TAFA2: variants seen among roughly 807,000 people sequenced by gnomAD.
TAFA2 encodes the protein TAFA chemokine like family member 2.
Under a neutral mutation model 18.8 loss-of-function variants are expected in TAFA2, and 7 were observed. The ratio of observed to expected loss-of-function variants is 0.37; its 90% CI spans 0.21 to 0.70. TAFA2 has a LOEUF of 0.70. Ranked by LOEUF, TAFA2 falls within the 30% of genes least tolerant of loss-of-function variation. The probability of loss-of-function intolerance (pLI) is 0.53; values close to 1 mark genes in which losing one functional copy is unlikely to be tolerated. For synonymous variants in TAFA2, 60 were observed against 54.2 expected (o/e 1.11, Z -0.47); for missense variants, 122 against 158.1 (o/e 0.77, Z 1.23).
chr12:62,074,698 ATTTTTTTTTT>A (rs67195424), intron 1 of TAFA2, among the ~76,000 whole-genome samples: 354 of 137,674 alleles, frequency 2.6e-3, no homozygotes, highest in Non-Finnish European at 3.0e-3. Context: ...AACTACATGA[ATTTTTTTTTT>A]TTTTTTTTTT....
At chr12:62,101,896 A>G (rs1869223627) in intron 1 of TAFA2, among the ~76,000 whole-genome samples, 1 of 152,212 alleles carries the variant, frequency 6.6e-6, no homozygotes, top group Non-Finnish European at 1.5e-5. Context: ...ATGTAAAAAT[A>G]GATAAATCCT....
At chr12:62,036,419 G>A (rs1281821716) in intron 1 of TAFA2, among the ~76,000 whole-genome samples, 1 of 152,194 alleles carries the variant, frequency 6.6e-6, no homozygotes, top group Admixed American at 6.5e-5. Context: ...AAAGCAGGTT[G>A]GTAGGTCAGC....
At chr12:62,203,286 T>C (rs1050801121) in intron 1 of TAFA2, among the ~76,000 whole-genome samples, 1 of 152,246 alleles carries the variant, frequency 6.6e-6, no homozygotes, top group African/African-American at 2.4e-5. Flanking sequence ...GTAAGCGCCA[T>C]GTGGCGCCAA....
Position 61,710,094 on chromosome 12 carries a change from T to A in TAFA2, c.*312A>T. ...CATCTGGAGCCAATAACTCAAAAGG[T>A]GACTGTCTCTAACATCACCCTGAAA... On this transcript the variant is annotated 3_prime_UTR_variant, in exon 5 of 5. Transcript: ENST00000416284. 2.8e-6 allele frequency: 1 copy of A among 357,836 alleles called. No individual in the cohort carries two copies. Among genetic ancestry groups the A allele is most frequent in the Non-Finnish European group, 5.1e-6 (1 of 196,332 alleles). 22.2% of individuals were successfully genotyped at this position (357,836 alleles called of 1,614,324 possible). A position where few individuals can be genotyped will look rare whatever the true frequency, so the allele number is the denominator to read the frequency against.
chr12:61,957,311 G>A (rs2121468622), intron 1 of TAFA2, among the ~76,000 whole-genome samples: 1 of 152,200 alleles, frequency 6.6e-6, no homozygotes, highest in East Asian at 1.9e-4. Flanking sequence ...AAAACAGTAG[G>A]GAAGACTTTA....
chr12:62,229,693 T>G (rs1238005071), intron 1 of TAFA2, among the ~76,000 whole-genome samples: 2 of 152,066 alleles, frequency 1.3e-5, no homozygotes, highest in East Asian at 3.8e-4. Context: ...ATTGTGTCTG[T>G]CTAGTTTTAA....
At chr12:61,886,946 G>A (rs541632547) in intron 1 of TAFA2, among the ~76,000 whole-genome samples, 35 of 152,304 alleles carry the variant, frequency 2.3e-4, no homozygotes, top group South Asian at 1.0e-3. Flanking sequence ...CAAAATTAAC[G>A]AGTGCCTCAA....
At chr12:61,760,911 C>T (rs1869517651) in intron 2 of TAFA2, among the ~76,000 whole-genome samples, 1 of 151,480 alleles carries the variant, frequency 6.6e-6, no homozygotes, top group Admixed American at 6.6e-5. Context: ...CCTCCATGGA[C>T]GTGATGCATA....
intron 1 of TAFA2, among the ~76,000 whole-genome samples, chr12:62,082,202 C>T (rs1176044138): frequency 2.0e-5 from 3 of 152,074 alleles, no homozygotes; most frequent in Non-Finnish European, 4.4e-5. Flanking sequence ...CATTGATGGA[C>T]ATTTAGGTTG....
At chr12:62,205,289 G>T (rs1488156651) in intron 1 of TAFA2, among the ~76,000 whole-genome samples, 19 of 152,216 alleles carry the variant, frequency 1.2e-4, no homozygotes, top group African/African-American at 4.1e-4. Context: ...CTCTTGGGGG[G>T]GTCTCACCCA....
At chr12:61,924,008 G>A (rs1877170286) in intron 1 of TAFA2, among the ~76,000 whole-genome samples, 1 of 149,642 alleles carries the variant, frequency 6.7e-6, no homozygotes, top group Non-Finnish European at 1.5e-5. Context: ...TCAACATAAT[G>A]AAATAAAACA....
chr12:61,713,553 G>A (rs1273430536), intron 4 of TAFA2, among the ~76,000 whole-genome samples: 1 of 152,058 alleles, frequency 6.6e-6, no homozygotes. Flanking sequence ...ATATCTACCA[G>A]CACCCTCCCT....
chr12:62,008,072 G>A (rs1880615391), intron 1 of TAFA2, among the ~76,000 whole-genome samples: 1 of 152,024 alleles, frequency 6.6e-6, no homozygotes, highest in African/African-American at 2.4e-5. Flanking sequence ...GAGATCATAT[G>A]GTATGTGTCC....
intron 4 of TAFA2, among the ~76,000 whole-genome samples, chr12:61,735,574 A>G (rs573440020): frequency 6.6e-6 from 1 of 152,040 alleles, no homozygotes; most frequent in African/African-American, 2.4e-5. Flanking sequence ...TCACTCATAT[A>G]TCTGAGTTGC....
chr12:61,736,038 TG>T lies in TAFA2; in HGVS notation c.384+17583del, dbSNP rs1340513525. On this transcript the variant is annotated intron_variant, in intron 4 of 4. Coordinates refer to ENST00000416284, the MANE Select transcript of TAFA2 (RefSeq NM_178539.5). ...TTTTAATTCCCTCTTCCTCCTGGGGTGTAGCACTTTGGGTTTATAATAGGAA... is the reference window on the plus strand; with the variant it reads ...TTTTAATTCCCTCTTCCTCCTGGGGTTAGCACTTTGGGTTTATAATAGGAA... 2.6e-5 allele frequency among the ~76,000 whole-genome samples: 4 copies of T among 151,854 alleles called. 1 individual carries two copies. Among genetic ancestry groups the T allele is most frequent in the Admixed American group, 2.6e-4 (4 of 15,218 alleles).
At chr12:61,910,893 A>G (rs114758301) in intron 1 of TAFA2, among the ~76,000 whole-genome samples, 1 of 152,192 alleles carries the variant, frequency 6.6e-6, no homozygotes, top group Non-Finnish European at 1.5e-5. Flanking sequence ...AACACTGCCA[A>G]TGATTTGGAC....
At chr12:61,725,832 A>G (rs962372475) in intron 4 of TAFA2, among the ~76,000 whole-genome samples, 3 of 152,196 alleles carry the variant, frequency 2.0e-5, no homozygotes, top group African/African-American at 7.2e-5. Flanking sequence ...AAAACCACAC[A>G]TCGTATGTTC....
At chr12:61,930,244 A>G (rs902498575) in intron 1 of TAFA2, among the ~76,000 whole-genome samples, 1 of 152,204 alleles carries the variant, frequency 6.6e-6, no homozygotes, top group Non-Finnish European at 1.5e-5. Flanking sequence ...TTAAGTTTCA[A>G]ACCAAAAGGG....
chr12:61,717,591 TCA>T (rs1004121044), intron 4 of TAFA2, among the ~76,000 whole-genome samples: 3 of 152,208 alleles, frequency 2.0e-5, no homozygotes, highest in African/African-American at 7.2e-5. Flanking sequence ...TGAACTATAC[TCA>T]GTTATCTATT....
Sources: allele counts gnomAD v4.1 joint callset (sites outside exome capture counted in the v4.1 genomes callset), GRCh38; gene constraint gnomAD v4.1.1; transcripts MANE v1.5; gene names NCBI Gene and HGNC (gene_info 2026-07-23, HGNC 2026-07-21).